Variants in ZFC3H1 observed in about 807,000 individuals in gnomAD.
The protein encoded by ZFC3H1 is zinc finger C3H1 domain-containing protein.
ZFC3H1 carries 71 observed loss-of-function variants against 243.7 expected under a neutral mutation model. The observed-to-expected ratio is 0.29, with a 90% CI of 0.24 to 0.36. ZFC3H1 has a LOEUF of 0.36. Ranked by LOEUF, ZFC3H1 falls within the 10% of genes least tolerant of loss-of-function variation. ZFC3H1 has a pLI of 1.00. For synonymous variants in ZFC3H1, 838 were observed against 813.0 expected (o/e 1.03, Z -0.52); for missense variants, 1,966 against 2,317.1 (o/e 0.85, Z 3.11).
chr12:71,616,723 G>A (rs564829000), intron 27 of ZFC3H1, among the ~76,000 whole-genome samples: 2 of 152,162 alleles, frequency 1.3e-5, no homozygotes, highest in African/African-American at 4.8e-5. Context: ...AATTGCAAGG[G>A]AACAAGTCTT....
chr12:71,633,093 G>A lies in ZFC3H1; in HGVS notation c.2686-76C>T, dbSNP rs190874173. ...GAAATTTCTTCTTCTCAAACACCGT[G>A]GCTTTTGAGCATTCAACTGAAAATA... On this transcript the variant is annotated intron_variant, in intron 13 of 34. Transcript: ENST00000378743. 2.3e-4 allele frequency: 342 copies of A among 1,462,462 alleles called. 3 individuals carry two copies. In the African/African-American group the frequency reaches 4.2e-3, roughly 18 times the overall value. The allele number at this position is 1,462,462 out of a possible 1,614,324, so 90.6% of individuals were successfully genotyped here.
chr12:71,635,406 G>C lies in ZFC3H1; in HGVS notation c.2238+37C>G, dbSNP rs770985416. 4 of 1,543,100 alleles carry C rather than the reference G, an allele frequency of 2.6e-6. No homozygotes were observed. In the African/African-American group the frequency reaches 5.7e-5, roughly 22 times the overall value. ...AAATAAACTTTACTGATCATCAAAA[G>C]GTCATCTTTCTTTCCACCTTTAATT... On this transcript the variant is annotated intron_variant, in intron 10 of 34. Coordinates refer to ENST00000378743, the MANE Select transcript of ZFC3H1 (RefSeq NM_144982.5).
rs145728521 is a variant in ZFC3H1 at position 71,655,153 on chromosome 12, A to G, written c.1015+1732T>C. Among the ~76,000 whole-genome samples the G allele has an allele frequency of 4.5e-4, 69 of 152,300 alleles. 1 individual carries two copies. In the East Asian group the frequency reaches 6.9e-3, roughly 15 times the overall value. Reference sequence around the variant, plus strand: ...ACAGAACTCTTACAAAAAACTGATTACATACTGGACAATAAAGGAAGTCTC... The same window carrying G: ...ACAGAACTCTTACAAAAAACTGATTGCATACTGGACAATAAAGGAAGTCTC... On this transcript the variant is annotated intron_variant, in intron 2 of 34. Coordinates refer to ENST00000378743, the MANE Select transcript of ZFC3H1 (RefSeq NM_144982.5).
chr12:71,624,803 C>G (rs1298805825), intron 22 of ZFC3H1, among the ~76,000 whole-genome samples: 2 of 152,092 alleles, frequency 1.3e-5, no homozygotes, highest in Non-Finnish European at 2.9e-5. Flanking sequence ...CCCATCTGTA[C>G]TAAAAATACA....
At chr12:71,618,062 C>T (rs988659488) in intron 27 of ZFC3H1, among the ~76,000 whole-genome samples, 7 of 151,902 alleles carry the variant, frequency 4.6e-5, no homozygotes, top group Admixed American at 2.0e-4. Flanking sequence ...CTCAGGAGTT[C>T]GAGACCATCC....
intron 2 of ZFC3H1, among the ~76,000 whole-genome samples, chr12:71,652,368 A>C (rs1442573307): frequency 1.3e-5 from 2 of 152,228 alleles, no homozygotes; most frequent in African/African-American, 4.8e-5. Flanking sequence ...CAAATTCTTT[A>C]GCAAAATATT....
intron 21 of ZFC3H1, among the ~76,000 whole-genome samples, chr12:71,627,431 A>AT (rs945960601): frequency 6.6e-6 from 1 of 152,120 alleles, no homozygotes; most frequent in Non-Finnish European, 1.5e-5. Flanking sequence ...GACTACTATG[A>AT]TTTTTTTAAA....
intron 2 of ZFC3H1, among the ~76,000 whole-genome samples, chr12:71,653,115 G>C (rs944610994): frequency 6.6e-6 from 1 of 152,234 alleles, no homozygotes; most frequent in Non-Finnish European, 1.5e-5. Flanking sequence ...AAACAAAACA[G>C]ACCTATGGTT....
intron 6 of ZFC3H1, 108 bp downstream of exon 6, chr12:71,642,328 G>A: frequency 7.8e-7 from 1 of 1,274,682 alleles, no homozygotes; most frequent in East Asian, 2.5e-5. Context: ...CAGTTCATCA[G>A]CAAATCTCAC....
Position 71,638,691 on chromosome 12 carries a change from A to G in ZFC3H1, c.1628-176T>C, listed in dbSNP as rs573322570. ...CCACCTCCAGCCATTTAAAATTGTC[A>G]TATCATCATAAAGTCAGCCATTCAC... On this transcript the variant is annotated intron_variant, in intron 6 of 34. Coordinates refer to ENST00000378743, the MANE Select transcript of ZFC3H1 (RefSeq NM_144982.5). 7.2e-4 allele frequency among the ~76,000 whole-genome samples: 110 copies of G among 152,334 alleles called. 1 individual carries two copies. Among genetic ancestry groups the G allele is most frequent in the Admixed American group, 2.3e-3 (35 of 15,302 alleles).
chr12:71,633,056 A>G (rs773562788), intron 13 of ZFC3H1, 39 bp from the exon 14 acceptor site: 85 of 1,546,674 alleles, frequency 5.5e-5, no homozygotes, highest in Non-Finnish European at 6.8e-5. Context: ...GTAAATGAAA[A>G]CCTTAAAACA....
chr12:71,645,441 A>G (rs1880705529), intron 3 of ZFC3H1, among the ~76,000 whole-genome samples: 1 of 152,228 alleles, frequency 6.6e-6, no homozygotes, highest in Non-Finnish European at 1.5e-5. Flanking sequence ...TGAAGAAATC[A>G]AGACCCAGGA....
chr12:71,634,864 A>G lies in ZFC3H1; in HGVS notation c.2239-39T>C, dbSNP rs373033654. The G allele has an allele frequency of 1.6e-5, 25 of 1,564,292 alleles. No individual in the cohort carries two copies. The African/African-American group carries it at 2.5e-4, about 16-fold the overall frequency. Reference sequence around the variant, plus strand: ...AACATTTGAAGTCAACTAGATCATCAGCTTTCCAAAATTCCATACTAAGAT... The same window carrying G: ...AACATTTGAAGTCAACTAGATCATCGGCTTTCCAAAATTCCATACTAAGAT... On this transcript the variant is annotated intron_variant, in intron 10 of 34. Transcript: ENST00000378743.
rs1300781652 is a variant in ZFC3H1, at chr12:71,619,900, AT to A, written c.5049+25del. ...AAAATTTGAAACATAAAAGCATCAT[AT>A]TTAAGAATTATGCATCATTTTTACC... On this transcript the variant is annotated intron_variant, in intron 26 of 34. Coordinates refer to ENST00000378743, the MANE Select transcript of ZFC3H1 (RefSeq NM_144982.5). The A allele has an allele frequency of 3.2e-6, 5 of 1,562,200 alleles. No homozygotes were observed. In the Middle Eastern group the frequency reaches 6.9e-4, roughly 216 times the overall value.
intron 1 of ZFC3H1, among the ~76,000 whole-genome samples, chr12:71,662,481 GTT>G (rs111585909): frequency 6.4e-5 from 9 of 140,112 alleles, no homozygotes; most frequent in Admixed American, 7.1e-5. Flanking sequence ...CACCAGAGTT[GTT>G]TTTTTTTTAC....
In ZFC3H1 at chr12:71,637,138, G is replaced by T. The variant is rs1347196082; in HGVS notation, c.1726-79C>A. The T allele has an allele frequency of 2.5e-6, 3 of 1,209,714 alleles. No individual in the cohort carries two copies. In the African/African-American group the frequency reaches 4.7e-5, roughly 19 times the overall value. The allele number at this position is 1,209,714 out of a possible 1,614,324, so 74.9% of individuals were successfully genotyped here. On this transcript the variant is annotated intron_variant, in intron 7 of 34. Transcript: ENST00000378743. Reference sequence around the variant, plus strand: ...TTCTCTCTGCAGCAATATTAAACTAGAAAAAAATAAACTTTACATTATTAT... The same window carrying T: ...TTCTCTCTGCAGCAATATTAAACTATAAAAAAATAAACTTTACATTATTAT...
At position 71,610,314 on chromosome 12, in the gene ZFC3H1, A is replaced by G; in HGVS notation, c.*114T>C. 9.5e-6 allele frequency: 12 copies of G among 1,267,288 alleles called. No individual in the cohort carries two copies. The highest frequency in any genetic ancestry group is 4.4e-5 in the South Asian group (3 of 67,914). 78.5% of individuals were successfully genotyped at this position (1,267,288 alleles called of 1,614,324 possible). ...TATTGTAGGGAACTTGATATGATCA[A>G]TAACGCTTGTCTGCCTTACACAGAC... On this transcript the variant is annotated 3_prime_UTR_variant, in exon 35 of 35. Transcript: ENST00000378743.
In ZFC3H1 at chr12:71,629,480, A is replaced by G. The variant is rs902616623; in HGVS notation, c.3826+129T>C. ...GCGCACCCAGCCTGGAATGATATGT[A>G]TTACATTAAGAACATAATACCAACA... is the stretch of plus-strand genomic sequence containing the variant. On this transcript the variant is annotated intron_variant, in intron 19 of 34. Coordinates refer to ENST00000378743, the MANE Select transcript of ZFC3H1 (RefSeq NM_144982.5). 5 of 633,124 alleles carry G rather than the reference A, an allele frequency of 7.9e-6. No individual in the cohort carries two copies. In the African/African-American group the frequency reaches 9.2e-5, roughly 12 times the overall value. 39.2% of individuals were successfully genotyped at this position (633,124 alleles called of 1,614,324 possible).
Position 71,636,610 on chromosome 12 carries a change from G to A in ZFC3H1, c.1980C>T (p.Asn660=). The change falls in exon 9 of 35, where the codon AAC becomes AAT. Residue 660 remains asparagine, a synonymous_variant. Transcript: ENST00000378743. ...TGCTTCTTGGCACAGGATGTGAATT[G>A]TTCAGAACTGGAGGTGAAGGTGGGT... ...NSDPPSPPVL[N]NSHPVPRSNL... The A allele has an allele frequency of 3.7e-6, 6 of 1,613,866 alleles. No individual in the cohort carries two copies. Among genetic ancestry groups the A allele is most frequent in the Non-Finnish European group, 5.1e-6 (6 of 1,179,868 alleles).
Sources: gnomAD v4.1 joint callset for allele counts (sites outside exome capture counted in the v4.1 genomes callset) on GRCh38, gnomAD v4.1.1 for gene constraint, MANE v1.5 for transcripts, NCBI Gene and HGNC (gene_info 2026-07-23, HGNC 2026-07-21) for gene names.